NMBR: variants seen among roughly 807,000 people sequenced by gnomAD.
NMBR encodes the protein neuromedin B receptor.
Under a neutral mutation model 20.5 loss-of-function variants are expected in NMBR, and 16 were observed. That is an observed-to-expected ratio of 0.78 (90% CI 0.53 to 1.19). The LOEUF (loss-of-function observed/expected upper bound fraction) is 1.19, where lower values mean the gene tolerates loss of function less well. NMBR is among the 50% of genes most tolerant of loss of function. NMBR has a pLI of 0.00. For synonymous variants in NMBR, 212 were observed against 196.6 expected (o/e 1.08, Z -0.65); for missense variants, 582 against 499.1 (o/e 1.17, Z -1.58).
chr6:142,110,754 TA>T (rs1777748374), intron 1 of NMBR, among the ~76,000 whole-genome samples: 1 of 152,148 alleles, frequency 6.6e-6, no homozygotes, highest in Non-Finnish European at 1.5e-5. Context: ...AGGTGTTAAC[TA>T]AAGGAAGAAA....
Position 142,078,923 on chromosome 6 carries a change from C to A in NMBR, c.423-20G>T. On this transcript the variant is annotated intron_variant, in intron 2 of 3. Transcript: ENST00000258042. Reference sequence around the variant, plus strand: ...CTGTACCTGGGAAAATGATACATCTCAAGTTATTCCAGAAAGAAAGGAAAG... The same window carrying A: ...CTGTACCTGGGAAAATGATACATCTAAAGTTATTCCAGAAAGAAAGGAAAG... 2 of 1,406,688 alleles carry A rather than the reference C, an allele frequency of 1.4e-6. No homozygotes were observed. The highest frequency in any genetic ancestry group is 2.3e-5 in the Admixed American group (1 of 42,960). 87.1% of individuals were successfully genotyped at this position (1,406,688 alleles called of 1,614,324 possible). A position where few individuals can be genotyped will look rare whatever the true frequency, so the allele number is the denominator to read the frequency against.
intron 2 of NMBR, among the ~76,000 whole-genome samples, chr6:142,081,649 C>G (rs1296572787): frequency 1.3e-5 from 2 of 152,134 alleles, no homozygotes; most frequent in African/African-American, 4.8e-5. Flanking sequence ...TGTATACCAA[C>G]TGTGTGTATC....
At chr6:142,113,040 A>G (rs970317908) in intron 1 of NMBR, among the ~76,000 whole-genome samples, 2 of 152,118 alleles carry the variant, frequency 1.3e-5, no homozygotes, top group Admixed American at 6.6e-5. Flanking sequence ...CCATAATGCA[A>G]TAGCATTTTC....
intron 1 of NMBR, among the ~76,000 whole-genome samples, chr6:142,096,264 T>C (rs914922501): frequency 1.3e-5 from 2 of 152,194 alleles, no homozygotes; most frequent in Non-Finnish European, 2.9e-5. Context: ...ATTTTAGATC[T>C]TTCCTGCTTT....
chr6:142,078,005 A>G (rs1297829257), intron 3 of NMBR, among the ~76,000 whole-genome samples: 6 of 151,956 alleles, frequency 3.9e-5, no homozygotes, highest in Non-Finnish European at 7.4e-5. Context: ...GAGTTGGGTC[A>G]CGTACTGCTT....
intron 1 of NMBR, among the ~76,000 whole-genome samples, chr6:142,091,673 A>C (rs1238687896): frequency 2.0e-5 from 3 of 152,232 alleles, no homozygotes; most frequent in Admixed American, 6.5e-5. Flanking sequence ...AATTTGAAAG[A>C]GACCTCATGA....
chr6:142,116,167 C>A (rs1370930735), intron 1 of NMBR, among the ~76,000 whole-genome samples: 2 of 151,872 alleles, frequency 1.3e-5, no homozygotes, highest in African/African-American at 4.8e-5. Context: ...TCCAATTAAA[C>A]CTCTTTCTTT....
intron 1 of NMBR, among the ~76,000 whole-genome samples, chr6:142,120,226 T>A (rs1475646157): frequency 6.6e-6 from 1 of 151,892 alleles, no homozygotes; most frequent in Non-Finnish European, 1.5e-5. Context: ...TTATAAAAGA[T>A]GAGACTGCTG....
intron 1 of NMBR, among the ~76,000 whole-genome samples, chr6:142,143,972 A>G (rs1234253065): frequency 1.3e-5 from 2 of 152,244 alleles, no homozygotes; most frequent in African/African-American, 4.8e-5. Context: ...TGCAATTCAC[A>G]TTTGTGAATA....
At chr6:142,096,206 G>A (rs1343059408) in intron 1 of NMBR, among the ~76,000 whole-genome samples, 1 of 152,052 alleles carries the variant, frequency 6.6e-6, no homozygotes, top group Non-Finnish European at 1.5e-5. Flanking sequence ...TTTTAAATGT[G>A]TTTGCTCTTG....
At chr6:142,137,816 G>A (rs571770268) in intron 1 of NMBR, among the ~76,000 whole-genome samples, 34 of 152,114 alleles carry the variant, frequency 2.2e-4, no homozygotes, top group South Asian at 2.1e-3. Flanking sequence ...TGCGCATATT[G>A]AACCAGCCTT....
At position 142,089,313 on chromosome 6, in the gene NMBR, T is replaced by C. The variant is rs1229646418; in HGVS notation, c.-655A>G. 1 of 152,058 alleles carries C rather than the reference T, an allele frequency of 6.6e-6. No homozygotes were observed. The highest frequency in any genetic ancestry group is 2.4e-5 in the African/African-American group (1 of 41,388). The allele number at this position is 152,058 out of a possible 1,614,324, so 9.4% of individuals were successfully genotyped here. On this transcript the variant is annotated 5_prime_UTR_variant, in exon 2 of 4. Coordinates refer to ENST00000258042, the MANE Select transcript of NMBR (RefSeq NM_002511.4). ...AGGATTAAAGGGCTGAGTTGGCAAG[T>C]CCCTAATGCTGAAACACAGAATTTA...
intron 1 of NMBR, among the ~76,000 whole-genome samples, chr6:142,131,371 G>A (rs942472585): frequency 3.9e-5 from 6 of 152,164 alleles, no homozygotes; most frequent in African/African-American, 1.4e-4. Flanking sequence ...GGTAGAAGAT[G>A]TTTCTCAAAT....
chr6:142,110,517 T>C (rs765043495), intron 1 of NMBR, among the ~76,000 whole-genome samples: 1 of 152,192 alleles, frequency 6.6e-6, no homozygotes, highest in Non-Finnish European at 1.5e-5. Context: ...ATGAAATTTA[T>C]GTGAAATGCT....
At chr6:142,086,539 C>G (rs1436850790) in intron 2 of NMBR, among the ~76,000 whole-genome samples, 1 of 152,068 alleles carries the variant, frequency 6.6e-6, no homozygotes, top group East Asian at 1.9e-4. Context: ...TCAACAGTTA[C>G]TCAGGTTTCC....
chr6:142,083,610 C>G (rs1398039002), intron 2 of NMBR, among the ~76,000 whole-genome samples: 1 of 152,028 alleles, frequency 6.6e-6, no homozygotes, highest in Non-Finnish European at 1.5e-5. Flanking sequence ...GCAAATTTCC[C>G]CTTCCTGTTC....
intron 1 of NMBR, among the ~76,000 whole-genome samples, chr6:142,130,152 G>A (rs191751546): frequency 1.2e-4 from 19 of 152,184 alleles, no homozygotes; most frequent in African/African-American, 4.3e-4. Flanking sequence ...AATTTTCTGA[G>A]CTCTTCAGAG....
At chr6:142,140,703 A>T (rs1271426440) in intron 1 of NMBR, among the ~76,000 whole-genome samples, 1 of 152,168 alleles carries the variant, frequency 6.6e-6, no homozygotes, top group Non-Finnish European at 1.5e-5. Flanking sequence ...TTAATATTTT[A>T]AAATCTTGAA....
intron 1 of NMBR, among the ~76,000 whole-genome samples, chr6:142,146,582 T>C (rs1778441739): frequency 6.6e-6 from 1 of 151,734 alleles, no homozygotes; most frequent in East Asian, 1.9e-4. Context: ...AATATGAAAA[T>C]ACTTTACAAA....
Sources: gnomAD v4.1 joint callset for allele counts (sites outside exome capture counted in the v4.1 genomes callset) on GRCh38, gnomAD v4.1.1 for gene constraint, MANE v1.5 for transcripts, NCBI Gene and HGNC (gene_info 2026-07-23, HGNC 2026-07-21) for gene names.